Variants in TMOD1 observed in about 807,000 individuals in gnomAD.
TMOD1 encodes the protein tropomodulin 1.
A neutral mutation model predicts 40.6 loss-of-function variants in TMOD1; 17 were observed. The ratio of observed to expected loss-of-function variants is 0.42; its 90% CI spans 0.29 to 0.63. TMOD1 has a LOEUF of 0.63. TMOD1 is among the 20% of genes least tolerant of loss of function. TMOD1 has a pLI of 0.22. For synonymous variants in TMOD1, 181 were observed against 175.0 expected, an observed-to-expected ratio of 1.03 and a Z score of -0.27; for missense variants, 391 against 447.6, an observed-to-expected ratio of 0.87 and a Z score of 1.14.
intron 4 of TMOD1, among the ~76,000 whole-genome samples, chr9:97,561,689 G>C (rs923514248): frequency 6.6e-6 from 1 of 152,104 alleles, no homozygotes; most frequent in African/African-American, 2.4e-5. Flanking sequence ...TGGTGTCCTG[G>C]CCTTGGCCTC....
At chr9:97,528,798 C>A (rs1269989029) in intron 2 of TMOD1, among the ~76,000 whole-genome samples, 1 of 152,250 alleles carries the variant, frequency 6.6e-6, no homozygotes, top group African/African-American at 2.4e-5. Context: ...CCAAGCAGAA[C>A]CAGATCAGAA....
chr9:97,581,942 A>G (rs1199037910), intron 8 of TMOD1, among the ~76,000 whole-genome samples: 1 of 148,190 alleles, frequency 6.7e-6, no homozygotes, highest in Non-Finnish European at 1.5e-5. Context: ...CCCATTTTGT[A>G]GGTTGCCTGT....
chr9:97,530,628 C>T (rs1587923690), intron 2 of TMOD1, among the ~76,000 whole-genome samples: 2 of 151,988 alleles, frequency 1.3e-5, no homozygotes, highest in East Asian at 3.9e-4. Flanking sequence ...GCTGGGACTA[C>T]AGGCGCCCGC....
At chr9:97,542,860 A>T (rs1830295475) in intron 2 of TMOD1, among the ~76,000 whole-genome samples, 1 of 151,992 alleles carries the variant, frequency 6.6e-6, no homozygotes, top group African/African-American at 2.4e-5. Context: ...AAAAAAAAAA[A>T]AAAAAAAGGA....
chr9:97,517,558 T>C (rs1829833122), intron 1 of TMOD1, among the ~76,000 whole-genome samples: 1 of 151,556 alleles, frequency 6.6e-6, no homozygotes, highest in Non-Finnish European at 1.5e-5. Flanking sequence ...CAGGGGGAGG[T>C]ACCCAGAAGG....
In TMOD1 at chr9:97,575,026, C is replaced by T. The variant is rs762451186; in HGVS notation, c.870+5989C>T. Among the ~76,000 whole-genome samples the T allele has an allele frequency of 4.6e-5, 7 of 152,318 alleles. No homozygotes were observed. The South Asian group carries it at 6.2e-4, about 14-fold the overall frequency. ...CAGATAAGAGAATAAAAGCAGGCTG[C>T]CGGATAACGCAGTGGCAACCCGCTC... On this transcript the variant is annotated intron_variant, in intron 8 of 9. Coordinates refer to ENST00000259365, the MANE Select transcript of TMOD1 (RefSeq NM_003275.4).
intron 9 of TMOD1, among the ~76,000 whole-genome samples, chr9:97,594,814 G>C (rs1429506620): frequency 6.6e-6 from 1 of 151,748 alleles, no homozygotes; most frequent in African/African-American, 2.4e-5. Flanking sequence ...TCAGATGACT[G>C]TCATCTCCAC....
At chr9:97,559,899 T>C (rs1401763331) in intron 4 of TMOD1, among the ~76,000 whole-genome samples, 2 of 144,570 alleles carry the variant, frequency 1.4e-5, no homozygotes, top group Admixed American at 1.4e-4. Flanking sequence ...GGCACTGATA[T>C]GGTCTTAAAG....
chr9:97,518,533 A>G (rs1424916374), intron 1 of TMOD1, among the ~76,000 whole-genome samples: 1 of 152,014 alleles, frequency 6.6e-6, no homozygotes, highest in Non-Finnish European at 1.5e-5. Flanking sequence ...CTTTTACCCA[A>G]CTCCTCTTTT....
chr9:97,516,897 A>C (rs1335004017), intron 1 of TMOD1: 4 of 152,200 alleles, frequency 2.6e-5, no homozygotes, highest in Non-Finnish European at 5.9e-5. Context: ...AGTTCTGGAG[A>C]GGGATAGTAG....
At position 97,553,262 on chromosome 9, in the gene TMOD1, G is replaced by T. The variant is rs1403625356; in HGVS notation, c.278-19G>T. 1 of 1,613,690 alleles carries T rather than the reference G, an allele frequency of 6.2e-7. No homozygotes were observed. On this transcript the variant is annotated intron_variant, in intron 3 of 9. Coordinates refer to ENST00000259365, the MANE Select transcript of TMOD1 (RefSeq NM_003275.4). ...TCCATTGCAGCCACTCCCGTAACAG[G>T]TCCCCTGTGTGTTTGCAGGAAAGGT...
intron 6 of TMOD1, among the ~76,000 whole-genome samples, chr9:97,565,443 A>G (rs920882638): frequency 6.6e-6 from 1 of 152,052 alleles, no homozygotes; most frequent in Admixed American, 6.5e-5. Context: ...TTTTCCAGAA[A>G]CAGGGCCAGA....
intron 2 of TMOD1, among the ~76,000 whole-genome samples, chr9:97,542,106 T>A (rs1048820359): frequency 2.6e-5 from 4 of 152,236 alleles, no homozygotes; most frequent in Non-Finnish European, 5.9e-5. Flanking sequence ...TGTTTTATAG[T>A]GTAGTTCTTA....
At chr9:97,506,155 G>C (rs1829587549) in intron 1 of TMOD1, among the ~76,000 whole-genome samples, 1 of 152,020 alleles carries the variant, frequency 6.6e-6, no homozygotes, top group Non-Finnish European at 1.5e-5. Flanking sequence ...TTCTCAGTCT[G>C]TGAACTTGTA....
At chr9:97,579,898 A>G (rs1472603475) in intron 8 of TMOD1, among the ~76,000 whole-genome samples, 2 of 152,212 alleles carry the variant, frequency 1.3e-5, no homozygotes, top group African/African-American at 4.8e-5. Flanking sequence ...AGTGCATATT[A>G]AGGCAATAGG....
chr9:97,548,939 C>G (rs1830408653), intron 3 of TMOD1, among the ~76,000 whole-genome samples: 1 of 152,164 alleles, frequency 6.6e-6, no homozygotes, highest in Non-Finnish European at 1.5e-5. Flanking sequence ...ACTCCAGCCT[C>G]TACCAAGCAC....
intron 4 of TMOD1, among the ~76,000 whole-genome samples, chr9:97,561,143 C>T (rs1418665100): frequency 1.3e-5 from 2 of 152,228 alleles, no homozygotes; most frequent in Non-Finnish European, 2.9e-5. Context: ...TCTGCAGCCA[C>T]ATCCATCTCT....
At chr9:97,510,634 C>T (rs1829681382) in intron 1 of TMOD1, among the ~76,000 whole-genome samples, 1 of 152,218 alleles carries the variant, frequency 6.6e-6, no homozygotes, top group Non-Finnish European at 1.5e-5. Context: ...ACGAATATGT[C>T]TTCAGCACTG....
chr9:97,584,082 A>C (rs1173766561), intron 8 of TMOD1, among the ~76,000 whole-genome samples: 2 of 148,162 alleles, frequency 1.3e-5, no homozygotes, highest in Non-Finnish European at 3.0e-5. Flanking sequence ...TAGTTCTTTT[A>C]ATTGTGATGT....
Sources: allele counts gnomAD v4.1 joint callset (sites outside exome capture counted in the v4.1 genomes callset), GRCh38; gene constraint gnomAD v4.1.1; transcripts MANE v1.5; gene names NCBI Gene and HGNC (gene_info 2026-07-23, HGNC 2026-07-21).